Variants in BNC2 observed in about 807,000 individuals in gnomAD.
BNC2 encodes zinc finger protein basonuclin-2.
A neutral mutation model predicts 76.3 loss-of-function variants in BNC2; 20 were observed. The observed-to-expected ratio is 0.26, with a 90% CI of 0.18 to 0.38. The LOEUF (loss-of-function observed/expected upper bound fraction) is 0.38. BNC2 is among the 10% of genes least tolerant of loss of function. BNC2 has a pLI of 1.00. For synonymous variants in BNC2, 582 were observed against 514.8 expected (o/e 1.13, Z -1.77); for missense variants, 1,382 against 1,399.8 (o/e 0.99, Z 0.20).
intron 5 of BNC2, among the ~76,000 whole-genome samples, chr9:16,533,804 A>G (rs757138858): frequency 1.2e-4 from 18 of 152,204 alleles, no homozygotes; most frequent in Non-Finnish European, 1.3e-4. Flanking sequence ...GGCAGGAAAA[A>G]TATTTCTGAG....
intron 3 of BNC2, among the ~76,000 whole-genome samples, chr9:16,696,117 C>T (rs181161981): frequency 1.7e-4 from 26 of 152,290 alleles, no homozygotes; most frequent in African/African-American, 1.7e-4. Flanking sequence ...CTGCAATAAC[C>T]CTTTAGCAAT....
chr9:16,584,641 T>C (rs550044460), intron 3 of BNC2, among the ~76,000 whole-genome samples: 8 of 152,266 alleles, frequency 5.3e-5, no homozygotes, highest in Non-Finnish European at 1.0e-4. Context: ...GTTGTAAACT[T>C]TGTTGTATAT....
intron 3 of BNC2, among the ~76,000 whole-genome samples, chr9:16,630,406 T>G (rs915277176): frequency 6.6e-6 from 1 of 152,170 alleles, no homozygotes; most frequent in Non-Finnish European, 1.5e-5. Context: ...CATGGAAAGA[T>G]AGTTACAAAA....
intron 5 of BNC2, among the ~76,000 whole-genome samples, chr9:16,528,671 T>C (rs1208383899): frequency 6.6e-6 from 1 of 152,194 alleles, no homozygotes; most frequent in African/African-American, 2.4e-5. Context: ...ACATACACAG[T>C]AATAAACACA....
At chr9:16,622,432 G>A (rs1184422876) in intron 3 of BNC2, among the ~76,000 whole-genome samples, 1 of 152,148 alleles carries the variant, frequency 6.6e-6, no homozygotes, top group African/African-American at 2.4e-5. Context: ...GAATATCTAT[G>A]CCTTAAGTGG....
chr9:16,558,167 A>C (rs1220026714), intron 4 of BNC2, among the ~76,000 whole-genome samples: 1 of 152,132 alleles, frequency 6.6e-6, no homozygotes, highest in African/African-American at 2.4e-5. Flanking sequence ...ATTTCATAGA[A>C]CTGAATACTC....
chr9:16,449,780 A>G (rs1040908331), intron 5 of BNC2, among the ~76,000 whole-genome samples: 12 of 147,164 alleles, frequency 8.2e-5, no homozygotes, highest in African/African-American at 2.9e-4. Context: ...TGGAATCACA[A>G]CAATGGAAAT....
chr9:16,545,219 T>C (rs192969875), intron 5 of BNC2, among the ~76,000 whole-genome samples: 211 of 152,324 alleles, frequency 1.4e-3, no homozygotes, highest in Admixed American at 4.1e-3. Context: ...GATTCTTCTC[T>C]AAGAGGTACA....
intron 3 of BNC2, among the ~76,000 whole-genome samples, chr9:16,703,968 T>C (rs575982115): frequency 3.0e-4 from 45 of 152,206 alleles, no homozygotes; most frequent in Non-Finnish European, 4.7e-4. Flanking sequence ...AACAGGAACA[T>C]GAAAACAAAG....
At chr9:16,850,613 T>C (rs1819105718) in intron 1 of BNC2, among the ~76,000 whole-genome samples, 1 of 152,180 alleles carries the variant, frequency 6.6e-6, no homozygotes, top group African/African-American at 2.4e-5. Flanking sequence ...CCCATGCCTG[T>C]AATTCCACCA....
At chr9:16,554,504 A>G (rs186352551) in intron 4 of BNC2, among the ~76,000 whole-genome samples, 2 of 152,140 alleles carry the variant, frequency 1.3e-5, no homozygotes, top group Non-Finnish European at 2.9e-5. Context: ...GATCTTCCCT[A>G]TTCTAGTGGT....
intron 3 of BNC2, among the ~76,000 whole-genome samples, chr9:16,700,274 C>T (rs1195320311): frequency 6.6e-6 from 1 of 152,124 alleles, no homozygotes; most frequent in Non-Finnish European, 1.5e-5. Flanking sequence ...TGAGGCCAAA[C>T]ATGGTTGCTC....
chr9:16,514,274 T>A (rs1822827791), intron 5 of BNC2, among the ~76,000 whole-genome samples: 1 of 152,204 alleles, frequency 6.6e-6, no homozygotes, highest in African/African-American at 2.4e-5. Flanking sequence ...CAAATTTTCA[T>A]GTTCCTTCTG....
intron 1 of BNC2, among the ~76,000 whole-genome samples, chr9:16,798,838 A>T (rs1483852376): frequency 2.0e-5 from 3 of 152,196 alleles, no homozygotes; most frequent in Non-Finnish European, 4.4e-5. Context: ...AAGGTAAACA[A>T]TCACGCACAA....
intron 3 of BNC2, chr9:16,727,562 G>T (rs1824376073): frequency 1.9e-6 from 1 of 534,838 alleles, no homozygotes; most frequent in African/African-American, 1.9e-5. Flanking sequence ...CAATGTCTCT[G>T]CTTTCTTTTA....
chr9:16,593,540 G>A (rs1287044701), intron 3 of BNC2, among the ~76,000 whole-genome samples: 1 of 152,020 alleles, frequency 6.6e-6, no homozygotes, highest in African/African-American at 2.4e-5. Flanking sequence ...GCGTGTGTGT[G>A]TGTGTGTTTC....
chr9:16,410,009 C>T lies in BNC2; in HGVS notation c.*8980G>A, dbSNP rs78124423. The T allele has an allele frequency of 0.053, 8,109 of 152,276 alleles. 234 individuals are homozygous for T. Among genetic ancestry groups the T allele is most frequent in the Middle Eastern group, 0.095 (28 of 294 alleles). The allele number at this position is 152,276 out of a possible 1,614,324, so 9.4% of individuals were successfully genotyped here. A position where few individuals can be genotyped will look rare whatever the true frequency, so the allele number is the denominator to read the frequency against. ...ATTCCTTTTCTTCAAGATATTTCAA[C>T]TCCCTCTGGCCACTTTTGCTGTCAA... On this transcript the variant is annotated 3_prime_UTR_variant, in exon 7 of 7. Coordinates refer to ENST00000380672, the MANE Select transcript of BNC2 (RefSeq NM_017637.6).
intron 5 of BNC2, among the ~76,000 whole-genome samples, chr9:16,510,039 T>C (rs1822717246): frequency 6.6e-6 from 1 of 152,250 alleles, no homozygotes; most frequent in Non-Finnish European, 1.5e-5. Context: ...GACCTGTTTG[T>C]ATCTCAGATG....
chr9:16,475,721 C>T (rs2131429535), intron 5 of BNC2, among the ~76,000 whole-genome samples: 1 of 152,270 alleles, frequency 6.6e-6, no homozygotes, highest in South Asian at 2.1e-4. Context: ...AATACTTTTG[C>T]CTGCAACAGA....
Sources: gnomAD v4.1 joint callset for allele counts (sites outside exome capture counted in the v4.1 genomes callset) on GRCh38, gnomAD v4.1.1 for gene constraint, MANE v1.5 for transcripts, NCBI Gene and HGNC (gene_info 2026-07-23, HGNC 2026-07-21) for gene names.